Variants in ESF1 observed in about 807,000 individuals in gnomAD.
ESF1 encodes ESF1 homolog.
A neutral mutation model predicts 92.0 loss-of-function variants in ESF1; 58 were observed. That is an observed-to-expected ratio of 0.63 (90% CI 0.51 to 0.78). The LOEUF (loss-of-function observed/expected upper bound fraction) is 0.78, where lower values mean the gene tolerates loss of function less well. ESF1 is among the 30% of genes least tolerant of loss of function. ESF1 has a pLI of 0.00. For missense variants in ESF1, 922 were observed against 989.1 expected, an observed-to-expected ratio of 0.93 and a Z score of 0.91; for synonymous variants, 321 against 313.7, an observed-to-expected ratio of 1.02 and a Z score of -0.24.
chr20:13,784,574 T>C (rs534983409), intron 1 of ESF1, among the ~76,000 whole-genome samples: 1 of 152,162 alleles, frequency 6.6e-6, no homozygotes, highest in South Asian at 2.1e-4. Flanking sequence ...CGCATCCCCG[T>C]AGCCCACCCT....
chr20:13,721,877 C>T (rs538591094), intron 11 of ESF1, among the ~76,000 whole-genome samples: 5 of 152,108 alleles, frequency 3.3e-5, no homozygotes, highest in Admixed American at 1.3e-4. Flanking sequence ...GAATAATATA[C>T]GAATCTTAAG....
intron 9 of ESF1, among the ~76,000 whole-genome samples, chr20:13,746,775 T>C (rs1568717276): frequency 1.3e-5 from 2 of 152,242 alleles, no homozygotes; most frequent in African/African-American, 2.4e-5. Flanking sequence ...ACATTTCAAC[T>C]TCCCTAGCAT....
intron 8 of ESF1, among the ~76,000 whole-genome samples, chr20:13,764,608 G>A (rs1341878718): frequency 6.6e-6 from 1 of 152,108 alleles, no homozygotes; most frequent in African/African-American, 2.4e-5. Flanking sequence ...TATTTTGTAT[G>A]TTATATGTAT....
intron 11 of ESF1, among the ~76,000 whole-genome samples, chr20:13,721,037 T>C (rs533126667): frequency 2.2e-4 from 34 of 152,140 alleles, no homozygotes; most frequent in African/African-American, 7.7e-4. Context: ...GCGGGAGAAT[T>C]GCTTGAATCT....
intron 2 of ESF1, among the ~76,000 whole-genome samples, chr20:13,776,678 T>C (rs1340412147): frequency 6.6e-6 from 1 of 152,084 alleles, no homozygotes; most frequent in East Asian, 1.9e-4. Context: ...AAAATCAATA[T>C]ATAGGAAAAG....
intron 1 of ESF1, 69 bp from the exon 2 acceptor site, chr20:13,783,252 T>TTAAA: frequency 9.0e-7 from 1 of 1,112,842 alleles, no homozygotes; most frequent in South Asian, 1.7e-5. Flanking sequence ...TTAAAACACA[T>TTAAA]TCACAATATA....
Position 13,776,129 on chromosome 20 carries a change from G to C in ESF1, c.779C>G (p.Thr260Arg). Residue 260 changes from threonine to arginine, a missense_variant, in exon 3 of 14, where the codon ACA becomes AGA. Transcript: ENST00000617257. Reference sequence around the variant, plus strand: ...ATCACCTGAAGCTCTACCAACACTTGTAATTTCATTTTCAGATTCCTCATC... The same window carrying C: ...ATCACCTGAAGCTCTACCAACACTTCTAATTTCATTTTCAGATTCCTCATC... Reference protein sequence around the residue: ...GSDEESENEITSVGRASGDDD... With the variant: ...GSDEESENEIRSVGRASGDDD... 2 of 1,613,668 alleles carry C rather than the reference G, an allele frequency of 1.2e-6. No individual in the cohort carries two copies. The highest frequency in any genetic ancestry group is 2.7e-5 in the African/African-American group (2 of 74,934).
Position 13,733,680 on chromosome 20 carries a change from T to C in ESF1, c.1950+41A>G, listed in dbSNP as rs565550927. ...GCACCTGGTACCATCTGATATATGG[T>C]TGGTATTCAACAAACATTTGGTCAT... On this transcript the variant is annotated intron_variant, in intron 10 of 13. Coordinates refer to ENST00000617257, the MANE Select transcript of ESF1 (RefSeq NM_001276380.2). 98 of 1,589,616 alleles carry C rather than the reference T, an allele frequency of 6.2e-5. 1 individual carries two copies. The East Asian group carries it at 1.6e-3, about 27-fold the overall frequency.
intron 5 of ESF1, among the ~76,000 whole-genome samples, chr20:13,772,012 C>T (rs2018665279): frequency 1.3e-5 from 2 of 150,362 alleles, no homozygotes. Flanking sequence ...TCTATTTAAC[C>T]CTCATTTTTA....
chr20:13,784,069 TAA>T (rs1980459700), intron 1 of ESF1, among the ~76,000 whole-genome samples: 1 of 152,208 alleles, frequency 6.6e-6, no homozygotes, highest in Non-Finnish European at 1.5e-5. Flanking sequence ...AGTCTCCAGG[TAA>T]AGTCTCACAC....
At chr20:13,752,693 A>G (rs1978694335) in intron 9 of ESF1, among the ~76,000 whole-genome samples, 1 of 152,254 alleles carries the variant, frequency 6.6e-6, no homozygotes, top group South Asian at 2.1e-4. Flanking sequence ...ATGGCCACAT[A>G]TGCATGTCAC....
intron 9 of ESF1, among the ~76,000 whole-genome samples, chr20:13,744,855 G>A (rs1432462574): frequency 1.3e-5 from 2 of 152,130 alleles, no homozygotes; most frequent in Non-Finnish European, 2.9e-5. Context: ...GTTTCCACAA[G>A]CTTTAATCAC....
chr20:13,716,681 C>A (rs1269647290), intron 13 of ESF1, among the ~76,000 whole-genome samples: 1 of 145,974 alleles, frequency 6.9e-6, no homozygotes, highest in African/African-American at 2.6e-5. Flanking sequence ...TGTTCTGTTG[C>A]CCAGGCTGGA....
intron 2 of ESF1, among the ~76,000 whole-genome samples, 153 bp from the exon 3 acceptor site, chr20:13,776,423 T>C (rs1346810918): frequency 1.3e-5 from 2 of 152,238 alleles, no homozygotes; most frequent in East Asian, 3.8e-4. Context: ...AGTCAATTTT[T>C]ATGATAGAAA....
At chr20:13,732,734 C>T (rs2049951546) in intron 10 of ESF1, among the ~76,000 whole-genome samples, 1 of 152,146 alleles carries the variant, frequency 6.6e-6, no homozygotes, top group Admixed American at 6.5e-5. Flanking sequence ...AGGCACACCA[C>T]TTCCAGAATG....
chr20:13,778,184 A>T (rs531060285), intron 2 of ESF1, among the ~76,000 whole-genome samples: 6 of 152,326 alleles, frequency 3.9e-5, no homozygotes, highest in Non-Finnish European at 8.8e-5. Context: ...TCTTGTTAGA[A>T]GGAAAAGCAG....
chr20:13,733,896 C>A, intron 9 of ESF1, 54 bp from the exon 10 acceptor site: 3 of 1,532,542 alleles, frequency 2.0e-6, no homozygotes, highest in Non-Finnish European at 2.6e-6. Context: ...CTGGCAATCA[C>A]TTAAACATAT....
At chr20:13,724,763 A>G (rs2049890247) in intron 11 of ESF1, among the ~76,000 whole-genome samples, 1 of 152,242 alleles carries the variant, frequency 6.6e-6, no homozygotes, top group Non-Finnish European at 1.5e-5. Flanking sequence ...AATATTTTGT[A>G]ACATGCTGAA....
At chr20:13,770,524 T>G (rs1053360896) in intron 6 of ESF1, among the ~76,000 whole-genome samples, 1 of 152,178 alleles carries the variant, frequency 6.6e-6, no homozygotes, top group African/African-American at 2.4e-5. Context: ...CTTTTAAAAT[T>G]TTTTGTAGAG....
Sources: gnomAD v4.1 joint callset for allele counts (sites outside exome capture counted in the v4.1 genomes callset) on GRCh38, gnomAD v4.1.1 for gene constraint, MANE v1.5 for transcripts, NCBI Gene and HGNC (gene_info 2026-07-23, HGNC 2026-07-21) for gene names.